LRP1B: variants seen among roughly 807,000 people sequenced by gnomAD.
LRP1B encodes low-density lipoprotein receptor-related protein 1B.
LRP1B carries 217 observed loss-of-function variants against 556.6 expected under a neutral mutation model. The ratio of observed to expected loss-of-function variants is 0.39; its 90% confidence interval spans 0.35 to 0.44. The LOEUF is 0.44. Among genes scored for constraint, LRP1B ranks in the 20% least tolerant of loss-of-function variants. The pLI is 1.00. For missense variants in LRP1B, 5,053 were observed against 5,620.8 expected (o/e 0.90, Z 3.23); for synonymous variants, 2,047 against 1,865.8 (o/e 1.10, Z -2.50).
At chr2:142,003,015 A>G (rs748183987) in intron 1 of LRP1B, among the ~76,000 whole-genome samples, 1 of 152,210 alleles carries the variant, frequency 6.6e-6, no homozygotes, top group Non-Finnish European at 1.5e-5. Flanking sequence ...CAAGTGATAA[A>G]CGTTTTAGTT....
chr2:140,456,407 G>A (rs551430420), intron 62 of LRP1B, 48 bp downstream of exon 62: 11 of 1,549,394 alleles, frequency 7.1e-6, no homozygotes, highest in African/African-American at 1.4e-5. Flanking sequence ...CAAAAGAGCT[G>A]ATGTTTCACC....
intron 1 of LRP1B, among the ~76,000 whole-genome samples, chr2:142,040,696 T>A (rs1291924140): frequency 2.6e-5 from 4 of 151,284 alleles, no homozygotes; most frequent in Non-Finnish European, 5.9e-5. Context: ...AATAATGTTT[T>A]TATTAAATAG....
intron 2 of LRP1B, among the ~76,000 whole-genome samples, chr2:141,495,796 A>G (rs560736553): frequency 1.3e-5 from 2 of 152,214 alleles, no homozygotes; most frequent in African/African-American, 4.8e-5. Context: ...ACAAATATAT[A>G]AATATACACA....
chr2:140,641,787 A>C (rs1684305943), intron 41 of LRP1B, among the ~76,000 whole-genome samples: 1 of 152,234 alleles, frequency 6.6e-6, no homozygotes, highest in African/African-American at 2.4e-5. Flanking sequence ...AAAGATATTT[A>C]TTGAGAGAAA....
chr2:140,973,885 C>A (rs1696511546), intron 18 of LRP1B, among the ~76,000 whole-genome samples: 1 of 151,990 alleles, frequency 6.6e-6, no homozygotes, highest in Non-Finnish European at 1.5e-5. Flanking sequence ...AAATTCTATA[C>A]ACATTGAATA....
chr2:140,854,884 A>G (rs1451496034), intron 27 of LRP1B, among the ~76,000 whole-genome samples: 1 of 152,190 alleles, frequency 6.6e-6, no homozygotes, highest in Non-Finnish European at 1.5e-5. Context: ...ACTTCTACCA[A>G]AGCCAAGCCT....
At chr2:141,172,793 C>A (rs1027931128) in intron 7 of LRP1B, among the ~76,000 whole-genome samples, 1 of 151,840 alleles carries the variant, frequency 6.6e-6, no homozygotes, top group Admixed American at 6.6e-5. Flanking sequence ...TACTAAGCAA[C>A]CTGGAATTTA....
At chr2:141,633,970 G>A (rs1211015705) in intron 2 of LRP1B, among the ~76,000 whole-genome samples, 2 of 151,746 alleles carry the variant, frequency 1.3e-5, no homozygotes, top group Admixed American at 6.6e-5. Flanking sequence ...ATTCTACGGA[G>A]ATTAACTATA....
Position 140,370,570 on chromosome 2 carries a change from G to A in LRP1B, c.11008+140C>T, listed in dbSNP as rs866729950. ...GGATTTTGCATATTTAGACCAGGCTGCTATGTAATGAAACTTGGAAGAGTA... is the reference window on the plus strand; with the variant it reads ...GGATTTTGCATATTTAGACCAGGCTACTATGTAATGAAACTTGGAAGAGTA... On this transcript the variant is annotated intron_variant, in intron 71 of 90. Coordinates refer to ENST00000389484, the MANE Select transcript of LRP1B (RefSeq NM_018557.3). 90 of 1,169,156 alleles carry A rather than the reference G, an allele frequency of 7.7e-5. 1 individual carries two copies. The East Asian group carries it at 1.4e-3, about 18-fold the overall frequency. 72.4% of individuals were successfully genotyped at this position (1,169,156 alleles called of 1,614,324 possible).
chr2:140,290,889 G>A (rs1683342843), intron 84 of LRP1B, among the ~76,000 whole-genome samples: 2 of 151,974 alleles, frequency 1.3e-5, no homozygotes, highest in African/African-American at 4.8e-5. Flanking sequence ...AGTTTTCAGA[G>A]TCAGATCCAC....
At chr2:140,943,841 C>T (rs1362234770) in intron 20 of LRP1B, among the ~76,000 whole-genome samples, 1 of 151,892 alleles carries the variant, frequency 6.6e-6, no homozygotes, top group Middle Eastern at 3.2e-3. Context: ...AATTAACAAT[C>T]TAATATGACA....
intron 41 of LRP1B, among the ~76,000 whole-genome samples, chr2:140,609,603 G>A (rs957468858): frequency 6.6e-6 from 1 of 152,126 alleles, no homozygotes; most frequent in African/African-American, 2.4e-5. Flanking sequence ...GTGAATTATA[G>A]TAGTATTTAT....
intron 59 of LRP1B, among the ~76,000 whole-genome samples, chr2:140,482,380 A>G (rs545392079): frequency 1.3e-5 from 2 of 152,316 alleles, no homozygotes; most frequent in South Asian, 4.1e-4. Context: ...TTATACAAAA[A>G]GATAAAATTT....
rs375897914 is a variant in LRP1B, at chr2:141,639,623, T to A, written c.206-159090A>T. Among the ~76,000 whole-genome samples the A allele has an allele frequency of 4.6e-5, 7 of 151,784 alleles. 1 individual carries two copies. In the East Asian group the frequency reaches 9.8e-4, roughly 21 times the overall value. On this transcript the variant is annotated intron_variant, in intron 2 of 90. Coordinates refer to ENST00000389484, the MANE Select transcript of LRP1B (RefSeq NM_018557.3). The stretch of plus-strand genomic sequence containing the variant: ...ATCTATTTTTCCTTTTTAAATATAA[T>A]AACAATGTATACATTTTAAATTTTA...
At chr2:140,790,333 G>C (rs1477788479) in intron 32 of LRP1B, among the ~76,000 whole-genome samples, 1 of 151,972 alleles carries the variant, frequency 6.6e-6, no homozygotes, top group Non-Finnish European at 1.5e-5. Flanking sequence ...GCATGCTTTG[G>C]GCAAAAACAG....
intron 1 of LRP1B, among the ~76,000 whole-genome samples, chr2:141,851,519 G>A (rs1697855852): frequency 1.3e-5 from 2 of 151,758 alleles, no homozygotes; most frequent in Admixed American, 1.3e-4. Context: ...TTGCCAGTGT[G>A]AAAAATCGAA....
intron 15 of LRP1B, among the ~76,000 whole-genome samples, chr2:141,003,940 T>C (rs1697497025): frequency 6.6e-6 from 1 of 152,088 alleles, no homozygotes; most frequent in African/African-American, 2.4e-5. Context: ...TAAGATTTCT[T>C]AGCGGTTTAT....
intron 41 of LRP1B, among the ~76,000 whole-genome samples, chr2:140,691,864 A>G (rs1335323671): frequency 1.3e-5 from 2 of 152,182 alleles, no homozygotes; most frequent in African/African-American, 4.8e-5. Flanking sequence ...TGTATAGAAT[A>G]GTAGAGAGAA....
Position 141,926,765 on chromosome 2 carries a change from A to T in LRP1B, c.83-116364T>A, listed in dbSNP as rs1574498900. On this transcript the variant is annotated intron_variant, in intron 1 of 90. Coordinates refer to ENST00000389484, the MANE Select transcript of LRP1B (RefSeq NM_018557.3). ...CAAATAGATAATATTCCTTAATTTC[A>T]TCTCCTTTTGCTAAATCGATCCTGG... Among the ~76,000 whole-genome samples the T allele has an allele frequency of 2.6e-5, 4 of 152,218 alleles. 1 individual carries two copies. Among genetic ancestry groups the T allele is most frequent in the Admixed American group, 2.6e-4 (4 of 15,262 alleles).
Sources: gnomAD v4.1 joint callset for allele counts (sites outside exome capture counted in the v4.1 genomes callset) on GRCh38, gnomAD v4.1.1 for gene constraint, MANE v1.5 for transcripts, NCBI Gene and HGNC (gene_info 2026-07-23, HGNC 2026-07-21) for gene names.